Variants in CAMTA1 observed in about 807,000 individuals in gnomAD.
CAMTA1 encodes the protein calmodulin binding transcription activator 1, also known as calmodulin-binding transcription activator 1.
In CAMTA1, 27 loss-of-function variants were observed where a neutral mutation model predicts 170.9. The ratio of observed to expected loss-of-function variants is 0.16; its 90% CI spans 0.12 to 0.22. The LOEUF (loss-of-function observed/expected upper bound fraction) is 0.22. Among genes scored for constraint, CAMTA1 ranks in the 10% least tolerant of loss-of-function variants. CAMTA1 has a pLI of 1.00. For synonymous variants in CAMTA1, 833 were observed against 891.5 expected, an observed-to-expected ratio of 0.93 and a Z score of 1.17; for missense variants, 1,619 against 2,217.2, an observed-to-expected ratio of 0.73 and a Z score of 5.42.
At chr1:7,746,182 A>G (rs1558287597) in intron 18 of CAMTA1, 91 bp downstream of exon 18, 5 of 1,451,896 alleles carry the variant, frequency 3.4e-6, no homozygotes, top group Admixed American at 2.2e-5. Flanking sequence ...AACATTTACT[A>G]TTTCTTTTTT....
chr1:7,373,063 T>C (rs1353145235), intron 5 of CAMTA1, among the ~76,000 whole-genome samples: 7 of 152,168 alleles, frequency 4.6e-5, no homozygotes, highest in Admixed American at 1.3e-4. Context: ...GCAGGAGGCA[T>C]GGGAACCAGG....
chr1:7,356,706 G>A (rs1343895051), intron 5 of CAMTA1, among the ~76,000 whole-genome samples: 1 of 152,178 alleles, frequency 6.6e-6, no homozygotes, highest in Non-Finnish European at 1.5e-5. Flanking sequence ...CCTGGTGGCT[G>A]CTTTTATAGG....
At chr1:6,958,755 A>G (rs938713240) in intron 3 of CAMTA1, among the ~76,000 whole-genome samples, 1 of 152,006 alleles carries the variant, frequency 6.6e-6, no homozygotes, top group African/African-American at 2.4e-5. Flanking sequence ...TACAGTATTT[A>G]TTTTTTTTAA....
chr1:7,058,591 A>G (rs1275808359), intron 3 of CAMTA1, among the ~76,000 whole-genome samples: 3 of 152,162 alleles, frequency 2.0e-5, no homozygotes, highest in Non-Finnish European at 4.4e-5. Flanking sequence ...TTTAATGAGT[A>G]GGGAGGAGGG....
At chr1:7,617,031 A>G (rs1254626546) in intron 6 of CAMTA1, among the ~76,000 whole-genome samples, 1 of 152,204 alleles carries the variant, frequency 6.6e-6, no homozygotes, top group Non-Finnish European at 1.5e-5. Context: ...CTCGTGGGGT[A>G]AAGTGTGGCT....
At position 7,665,268 on chromosome 1, in the gene CAMTA1, C is replaced by A; in HGVS notation, c.2652+69C>A. On this transcript the variant is annotated intron_variant, in intron 9 of 22. Transcript: ENST00000303635. This position sits in a 1 kb window ranked among gnomAD's most constrained non-coding sequence, Gnocchi z 4.3. ...CCACCTCGCCAGCCCCTGCGCCACC[C>A]TGCAGCTAAGGGATGCCTGTGGCTG... 1 of 1,325,172 alleles carries A rather than the reference C, an allele frequency of 7.5e-7. No homozygotes were observed. The allele number at this position is 1,325,172 out of a possible 1,614,324, so 82.1% of individuals were successfully genotyped here.
chr1:6,823,830 T>G (rs1010181593), intron 2 of CAMTA1, among the ~76,000 whole-genome samples: 2 of 152,204 alleles, frequency 1.3e-5, no homozygotes, highest in African/African-American at 4.8e-5. Flanking sequence ...CTTTTAAGAT[T>G]ATTAACCAAT....
rs917627946 is a variant in CAMTA1, at chr1:7,014,256, C to T, written c.235-77048C>T. 9 of 152,234 alleles carry T rather than the reference C, an allele frequency of 5.9e-5. No homozygotes were observed. The highest frequency in any genetic ancestry group is 1.4e-4 in the African/African-American group (6 of 41,448). 9.4% of individuals were successfully genotyped at this position (152,234 alleles called of 1,614,324 possible). On this transcript the variant is annotated intron_variant, in intron 3 of 22. Coordinates refer to ENST00000303635, the MANE Select transcript of CAMTA1 (RefSeq NM_015215.4). This position sits in a 1 kb window ranked among gnomAD's most constrained non-coding sequence, Gnocchi z 4.2. ...GAGGCAGGCCGGTCTCTTACCTGCTCGATGTCTGCACATAGGGAAACCTGA... is the reference window on the plus strand; with the variant it reads ...GAGGCAGGCCGGTCTCTTACCTGCTTGATGTCTGCACATAGGGAAACCTGA...
rs541291785 is a variant in CAMTA1, at chr1:7,650,389, T to C, written c.664+9836T>C. On this transcript the variant is annotated intron_variant, in intron 7 of 22. Coordinates refer to ENST00000303635, the MANE Select transcript of CAMTA1 (RefSeq NM_015215.4). ...GACATGCCACCCCACACGCTCTGTA[T>C]TTCCTGATGATGGAGTCACTGGCCG... is the stretch of plus-strand genomic sequence containing the variant. Among the ~76,000 whole-genome samples the C allele has an allele frequency of 1.0e-3, 156 of 152,300 alleles. 1 individual carries two copies. The highest frequency in any genetic ancestry group is 1.5e-3 in the Non-Finnish European group (101 of 68,022).
chr1:7,465,663 A>G (rs1026734977), intron 5 of CAMTA1, among the ~76,000 whole-genome samples: 2 of 152,158 alleles, frequency 1.3e-5, no homozygotes, highest in African/African-American at 2.4e-5. Flanking sequence ...GTTCTGGGGC[A>G]GTTGTGGGTA....
At chr1:6,928,184 T>C (rs1567401) in intron 3 of CAMTA1, among the ~76,000 whole-genome samples, 106,805 of 152,156 alleles carry the variant, frequency 0.7, 37,752 homozygotes, top group Admixed American at 0.77. Flanking sequence ...CCCTCCCTCT[T>C]AACAGAGCGC....
chr1:7,664,000 C>A lies in CAMTA1; in HGVS notation c.1453C>A (p.Pro485Thr). ...TCCAGAAACCACCATGAACTTTGACCCCGACTGTTTCCTTAATAACCCAAA... is the reference window on the plus strand; with the variant it reads ...TCCAGAAACCACCATGAACTTTGACACCGACTGTTTCCTTAATAACCCAAA... ...KIPETTMNFD[P>T]DCFLNNPKQG... Residue 485 changes from proline (P) to threonine (T), a missense_variant, in exon 9 of 23, where the codon CCC (proline) becomes ACC (threonine). Physicochemically the swap from Pro to Thr is conservative, Grantham distance 38. Transcript: ENST00000303635. 1 of 1,613,968 alleles carries A rather than the reference C, an allele frequency of 6.2e-7. No individual in the cohort carries two copies. The highest frequency in any genetic ancestry group is 8.5e-7 in the Non-Finnish European group (1 of 1,180,040).
intron 5 of CAMTA1, among the ~76,000 whole-genome samples, chr1:7,428,443 C>T (rs964464094): frequency 1.3e-5 from 2 of 151,972 alleles, no homozygotes; most frequent in Non-Finnish European, 2.9e-5. Context: ...CCGATCACCA[C>T]ATCAGGGATT....
intron 9 of CAMTA1, among the ~76,000 whole-genome samples, chr1:7,668,507 T>G (rs1377758045): frequency 6.6e-6 from 1 of 151,172 alleles, no homozygotes; most frequent in African/African-American, 2.4e-5. Flanking sequence ...GCCCTTTATC[T>G]CAGGACTCAG....
chr1:7,302,024 A>G (rs1674843923), intron 5 of CAMTA1, among the ~76,000 whole-genome samples: 1 of 152,290 alleles, frequency 6.6e-6, no homozygotes, highest in South Asian at 2.1e-4. Flanking sequence ...ATGGATGAAT[A>G]AAAACTCGAT....
intron 5 of CAMTA1, among the ~76,000 whole-genome samples, chr1:7,416,767 G>C (rs1483041273): frequency 6.6e-6 from 1 of 152,206 alleles, no homozygotes; most frequent in Non-Finnish European, 1.5e-5. Context: ...ACTCGTCAAA[G>C]TCATTCTCCG....
chr1:6,952,812 C>T (rs931620787), intron 3 of CAMTA1, among the ~76,000 whole-genome samples: 5 of 152,022 alleles, frequency 3.3e-5, no homozygotes, highest in African/African-American at 1.2e-4. Context: ...CCAGCCTGGG[C>T]GACAAAGCAA....
At chr1:7,331,829 T>G (rs1316458472) in intron 5 of CAMTA1, among the ~76,000 whole-genome samples, 2 of 152,214 alleles carry the variant, frequency 1.3e-5, no homozygotes, top group Non-Finnish European at 2.9e-5. Flanking sequence ...CTGCTGACTC[T>G]GGGTAACTTA....
At chr1:7,206,511 C>T (rs555009800) in intron 4 of CAMTA1, among the ~76,000 whole-genome samples, 2 of 152,078 alleles carry the variant, frequency 1.3e-5, no homozygotes, top group East Asian at 3.9e-4. Context: ...TTTGTGTGTT[C>T]GAGTTATAAT....
Sources: allele counts gnomAD v4.1 joint callset (sites outside exome capture counted in the v4.1 genomes callset), GRCh38; gene constraint gnomAD v4.1.1; non-coding constraint Gnocchi (gnomAD v3.1); transcripts MANE v1.5; gene names NCBI Gene and HGNC (gene_info 2026-07-23, HGNC 2026-07-21).